Variants in AGBL4 observed in about 807,000 individuals in gnomAD.
AGBL4 encodes the protein AGBL carboxypeptidase 4.
AGBL4 carries 58 observed loss-of-function variants against 66.4 expected under a neutral mutation model. The observed-to-expected ratio is 0.87, with a 90% CI of 0.71 to 1.09. The LOEUF is 1.09. Ranked by LOEUF, AGBL4 falls within the 50% of genes least tolerant of loss-of-function variation. The pLI is 0.00. For synonymous variants in AGBL4, 234 were observed against 222.9 expected (o/e 1.05, Z -0.44); for missense variants, 579 against 631.0 (o/e 0.92, Z 0.88).
In AGBL4 at chr1:49,358,629, T is replaced by C. The variant is rs2993424; in HGVS notation, c.283-112765A>G. On this transcript the variant is annotated intron_variant, in intron 3 of 13. Coordinates refer to ENST00000371839, the MANE Select transcript of AGBL4 (RefSeq NM_032785.4). ...TTTTCCTGTGAAACAGTTCGTTTGATTATTGGTTAGCGCTGAACATTTAGA... is the reference window on the plus strand; with the variant it reads ...TTTTCCTGTGAAACAGTTCGTTTGACTATTGGTTAGCGCTGAACATTTAGA... 5.7e-3 allele frequency among the ~76,000 whole-genome samples: 867 copies of C among 152,270 alleles called. 10 individuals carry two copies. Among genetic ancestry groups the C allele is most frequent in the African/African-American group, 0.02 (827 of 41,556 alleles).
intron 7 of AGBL4, among the ~76,000 whole-genome samples, chr1:48,660,032 C>T (rs758452665): frequency 2.0e-5 from 3 of 152,196 alleles, no homozygotes; most frequent in Non-Finnish European, 4.4e-5. Context: ...ATTCATGCTT[C>T]GCAGTGTAGC....
intron 1 of AGBL4, among the ~76,000 whole-genome samples, chr1:49,854,972 G>A (rs1278249838): frequency 2.0e-5 from 3 of 152,140 alleles, no homozygotes; most frequent in Non-Finnish European, 4.4e-5. Context: ...ATAGATGGTT[G>A]GCATTTCCCC....
At position 48,924,613 on chromosome 1, in the gene AGBL4, G is replaced by A. The variant is rs114655655; in HGVS notation, c.595-57383C>T. Among the ~76,000 whole-genome samples, 1,200 of 152,186 alleles carry A rather than the reference G, an allele frequency of 7.9e-3. 11 individuals carry two copies. Among genetic ancestry groups the A allele is most frequent in the Admixed American group, 0.011 (175 of 15,262 alleles). Reference sequence around the variant, plus strand: ...GGTAATAAAAAGGATAAATTCAGGAGACATAAAGCCAATAGAGTTCACTAA... The same window carrying A: ...GGTAATAAAAAGGATAAATTCAGGAAACATAAAGCCAATAGAGTTCACTAA... On this transcript the variant is annotated intron_variant, in intron 5 of 13. Coordinates refer to ENST00000371839, the MANE Select transcript of AGBL4 (RefSeq NM_032785.4).
chr1:49,499,113 G>A (rs1165767294), intron 3 of AGBL4, among the ~76,000 whole-genome samples: 5 of 151,604 alleles, frequency 3.3e-5, no homozygotes, highest in Non-Finnish European at 1.5e-5. Flanking sequence ...CAATTTTTTG[G>A]GAGTCCTTAA....
chr1:49,671,176 T>C (rs1334538881), intron 3 of AGBL4, among the ~76,000 whole-genome samples: 1 of 151,838 alleles, frequency 6.6e-6, no homozygotes, highest in Non-Finnish European at 1.5e-5. Flanking sequence ...AGCCCGGAAA[T>C]AAAGCCTCAC....
chr1:49,582,204 T>C (rs1006561041), intron 3 of AGBL4, among the ~76,000 whole-genome samples: 1 of 152,160 alleles, frequency 6.6e-6, no homozygotes, highest in African/African-American at 2.4e-5. Context: ...TGGGCAAACC[T>C]GTGCTTGGGC....
intron 5 of AGBL4, among the ~76,000 whole-genome samples, chr1:49,035,499 G>A (rs1664571085): frequency 2.0e-5 from 3 of 152,144 alleles, no homozygotes. Flanking sequence ...TACTTCTGGG[G>A]TCTTGCATTA....
At chr1:49,449,689 T>G (rs1245764479) in intron 3 of AGBL4, among the ~76,000 whole-genome samples, 3 of 152,032 alleles carry the variant, frequency 2.0e-5, no homozygotes, top group Non-Finnish European at 4.4e-5. Context: ...CAAGAGGTTG[T>G]ACGGTGGTTT....
chr1:49,288,258 A>C (rs541851917), intron 3 of AGBL4, among the ~76,000 whole-genome samples: 3 of 149,186 alleles, frequency 2.0e-5, no homozygotes, highest in Non-Finnish European at 4.5e-5. Context: ...AGATATACCT[A>C]ATGCTTGATG....
intron 3 of AGBL4, among the ~76,000 whole-genome samples, chr1:49,586,667 T>TGAAC (rs976815424): frequency 2.6e-5 from 4 of 152,020 alleles, no homozygotes; most frequent in Non-Finnish European, 4.4e-5. Flanking sequence ...ACTGACTGAA[T>TGAAC]GAATGAATGA....
intron 11 of AGBL4, among the ~76,000 whole-genome samples, chr1:48,574,322 C>A (rs146058207): frequency 1.4e-4 from 22 of 152,196 alleles, no homozygotes; most frequent in Non-Finnish European, 2.8e-4. Context: ...ACAAAATGCA[C>A]CTCCTTCTCT....
At chr1:48,980,170 C>T (rs1405472095) in intron 5 of AGBL4, among the ~76,000 whole-genome samples, 1 of 152,086 alleles carries the variant, frequency 6.6e-6, no homozygotes, top group East Asian at 1.9e-4. Context: ...TCTATTTATT[C>T]CTTGCAAAAA....
chr1:49,590,611 C>A (rs956436832), intron 3 of AGBL4, among the ~76,000 whole-genome samples: 2 of 151,794 alleles, frequency 1.3e-5, no homozygotes, highest in African/African-American at 4.8e-5. Flanking sequence ...AGCGTATAAT[C>A]AAAATGAATA....
chr1:48,844,658 A>C (rs1646873604), intron 6 of AGBL4, among the ~76,000 whole-genome samples: 1 of 152,156 alleles, frequency 6.6e-6, no homozygotes, highest in African/African-American at 2.4e-5. Flanking sequence ...TGCATTTTTA[A>C]AGACCCAACT....
intron 3 of AGBL4, among the ~76,000 whole-genome samples, chr1:49,366,010 G>A (rs1466756232): frequency 6.6e-6 from 1 of 152,162 alleles, no homozygotes; most frequent in Non-Finnish European, 1.5e-5. Flanking sequence ...GAAAGACACA[G>A]ATTTTAAGGA....
At chr1:49,704,364 G>A (rs1222525875) in intron 2 of AGBL4, among the ~76,000 whole-genome samples, 2 of 151,860 alleles carry the variant, frequency 1.3e-5, no homozygotes, top group African/African-American at 2.4e-5. Context: ...AGATGACAAG[G>A]AAATTTAATA....
chr1:49,522,784 T>C (rs546117327), intron 3 of AGBL4, among the ~76,000 whole-genome samples: 1 of 152,202 alleles, frequency 6.6e-6, no homozygotes, highest in African/African-American at 2.4e-5. Context: ...GGAAAAAACC[T>C]TTCTGATACA....
At chr1:49,899,805 C>T (rs148828380) in intron 1 of AGBL4, among the ~76,000 whole-genome samples, 1 of 152,132 alleles carries the variant, frequency 6.6e-6, no homozygotes, top group African/African-American at 2.4e-5. Context: ...CTTTGGGAGG[C>T]CGAGGCAAGC....
intron 6 of AGBL4, among the ~76,000 whole-genome samples, chr1:48,713,843 A>G (rs1457800881): frequency 6.6e-6 from 1 of 152,102 alleles, no homozygotes; most frequent in Non-Finnish European, 1.5e-5. Flanking sequence ...AGCCCTTTTC[A>G]GTTTACTGAG....
Sources: allele counts gnomAD v4.1 joint callset (sites outside exome capture counted in the v4.1 genomes callset), GRCh38; gene constraint gnomAD v4.1.1; transcripts MANE v1.5; gene names NCBI Gene and HGNC (gene_info 2026-07-23, HGNC 2026-07-21).